INSR: variants seen among roughly 807,000 people sequenced by gnomAD.
INSR encodes the protein IR.
A neutral mutation model predicts 142.6 loss-of-function variants in INSR; 67 were observed. The ratio of observed to expected loss-of-function variants is 0.47; its 90% CI spans 0.39 to 0.58. The LOEUF is 0.58. Ranked by LOEUF, INSR falls within the 20% of genes least tolerant of loss-of-function variation. The pLI, the probability that INSR is intolerant of heterozygous loss-of-function variation, is 0.00. For missense variants in INSR, 1,248 were observed against 1,833.2 expected (o/e 0.68, Z 5.83); for synonymous variants, 756 against 743.1 (o/e 1.02, Z -0.28).
intron 1 of INSR, among the ~76,000 whole-genome samples, chr19:7,283,412 G>A (rs1157037261): frequency 1.3e-5 from 2 of 152,076 alleles, no homozygotes; most frequent in African/African-American, 2.4e-5. Flanking sequence ...GATTCTAAAC[G>A]GAAAATGACA....
chr19:7,285,595 C>T (rs1168694305), intron 1 of INSR, among the ~76,000 whole-genome samples: 1 of 152,014 alleles, frequency 6.6e-6, no homozygotes, highest in African/African-American at 2.4e-5. Context: ...AGGACCACAC[C>T]ACTGCACTCC....
intron 1 of INSR, among the ~76,000 whole-genome samples, chr19:7,282,075 C>T (rs114165150): frequency 1.4e-4 from 22 of 152,194 alleles, no homozygotes; most frequent in African/African-American, 2.4e-4. Context: ...TCTAAAACCC[C>T]GCGAGCCGGC....
rs1599881961 is a variant in INSR at position 7,132,256 on chromosome 19, C to T, written c.2744G>A (p.Gly915Glu). 1.2e-6 allele frequency: 2 copies of T among 1,614,216 alleles called. No homozygotes were observed. The highest frequency in any genetic ancestry group is 1.7e-6 in the Non-Finnish European group (2 of 1,180,038). The change falls in exon 14 of 22, where the codon GGG becomes GAG. Residue 915 changes from glycine to glutamate, a missense_variant. Physicochemically the swap from Gly to Glu is moderately conservative, Grantham distance 98. Around this residue, in one of 3 missense-constraint regions of INSR, gnomAD observed 1,069 missense variants for 1,654.0 expected, o/e 0.65. Transcript: ENST00000302850. ...FALERGCRLR[G>E]LSPGNYSVRI... ...CACGCTGTAGTTCCCCGGTGACAGC[C>T]CACGCAGCCTGCAGCCCCGTTCCAG... is the stretch of plus-strand genomic sequence containing the variant.
intron 2 of INSR, among the ~76,000 whole-genome samples, chr19:7,253,239 TA>T (rs1300664420): frequency 2.0e-5 from 3 of 151,908 alleles, no homozygotes; most frequent in African/African-American, 4.8e-5. Context: ...TTTGTTTATT[TA>T]TTTATTTAAT....
intron 2 of INSR, among the ~76,000 whole-genome samples, chr19:7,236,960 G>C (rs1340987979): frequency 6.6e-6 from 1 of 150,786 alleles, no homozygotes; most frequent in Non-Finnish European, 1.5e-5. Flanking sequence ...CCAGGAGACA[G>C]AGCTTGCAGT....
intron 2 of INSR, among the ~76,000 whole-genome samples, chr19:7,261,107 C>A (rs928273657): frequency 5.3e-5 from 8 of 152,052 alleles, no homozygotes; most frequent in African/African-American, 1.7e-4. Context: ...AGGCTGGTCT[C>A]GAACTCCTGA....
intron 13 of INSR, among the ~76,000 whole-genome samples, chr19:7,138,844 A>T (rs1973000702): frequency 6.6e-6 from 1 of 152,128 alleles, no homozygotes; most frequent in South Asian, 2.1e-4. Context: ...TTTCCTTAGG[A>T]CCTACAGGAT....
intron 9 of INSR, among the ~76,000 whole-genome samples, chr19:7,153,367 C>CATA: frequency 0.039 from 45 of 1,152 alleles, 2 homozygotes; most frequent in Middle Eastern, 0.12. Context: ...ACCACACACC[C>CATA]CACACACACC....
chr19:7,132,058 G>A, intron 14 of INSR, 100 bp downstream of exon 14: 1 of 1,457,362 alleles, frequency 6.9e-7, no homozygotes. Flanking sequence ...TCAAGGCCAG[G>A]GCCAGCACCT....
At chr19:7,282,789 C>T (rs571494674) in intron 1 of INSR, among the ~76,000 whole-genome samples, 10 of 151,322 alleles carry the variant, frequency 6.6e-5, no homozygotes, top group African/African-American at 2.2e-4. Context: ...ATCGAGACCA[C>T]GGTGAAACCC....
intron 2 of INSR, among the ~76,000 whole-genome samples, chr19:7,186,842 T>C (rs1169302684): frequency 1.3e-5 from 2 of 151,788 alleles, no homozygotes; most frequent in African/African-American, 2.4e-5. Context: ...GTAGCTGGGA[T>C]TACAGACGCC....
intron 2 of INSR, among the ~76,000 whole-genome samples, chr19:7,202,987 G>GTT (rs111825279): frequency 4.9e-4 from 71 of 143,850 alleles, no homozygotes; most frequent in Middle Eastern, 3.6e-3. Context: ...TTTGGGGTGG[G>GTT]GTTTTGTTGT....
chr19:7,180,387 G>C (rs952373935), intron 3 of INSR, among the ~76,000 whole-genome samples: 2 of 151,898 alleles, frequency 1.3e-5, no homozygotes, highest in African/African-American at 2.4e-5. Flanking sequence ...TTTTAGCCAG[G>C]TGTGGTGGTG....
chr19:7,240,280 A>C (rs1256255522), intron 2 of INSR, among the ~76,000 whole-genome samples: 1 of 152,228 alleles, frequency 6.6e-6, no homozygotes, highest in African/African-American at 2.4e-5. Flanking sequence ...TACAGCAGCG[A>C]AAGATTTAAA....
At position 7,115,699 on chromosome 19, in the gene INSR, G is replaced by T. The variant is rs556297174; in HGVS notation, c.*1357C>A. 3 of 152,354 alleles carry T rather than the reference G, an allele frequency of 2.0e-5. No individual in the cohort carries two copies. Among genetic ancestry groups the T allele is most frequent in the African/African-American group, 7.2e-5 (3 of 41,548 alleles). The allele number at this position is 152,354 out of a possible 1,614,324, so 9.4% of individuals were successfully genotyped here. On this transcript the variant is annotated 3_prime_UTR_variant, in exon 22 of 22. Coordinates refer to ENST00000302850, the MANE Select transcript of INSR (RefSeq NM_000208.4). ...AAGAGGTACACACAGAGAATCAGAG[G>T]ATGAACACAGGTGTTCTTGAAGGCA... is the stretch of plus-strand genomic sequence containing the variant.
chr19:7,162,689 G>A (rs188802458), intron 9 of INSR, among the ~76,000 whole-genome samples: 21 of 150,340 alleles, frequency 1.4e-4, no homozygotes, highest in South Asian at 2.1e-4. Flanking sequence ...GCGTGGTGGC[G>A]CGTGCCTGTA....
rs1968497615 is a variant in INSR at position 7,291,701 on chromosome 19, CAATT to C, written c.100+2087_100+2090del. 2.6e-5 allele frequency among the ~76,000 whole-genome samples: 4 copies of C among 152,318 alleles called. No homozygotes were observed. In the Middle Eastern group the frequency reaches 0.01, roughly 389 times the overall value. On this transcript the variant is annotated intron_variant, in intron 1 of 21. Transcript: ENST00000302850. ...CCCTGAAAGCCCAGGCACAGATCCA[CAATT>C]AATTACCAAAGCTACAAGGAACAGA...
intron 13 of INSR, 70 bp from the exon 14 acceptor site, chr19:7,132,387 G>A: frequency 1.9e-6 from 3 of 1,544,182 alleles, no homozygotes; most frequent in East Asian, 2.3e-5. Flanking sequence ...ACCCCTCGCA[G>A]GGAGCTCACA....
intron 2 of INSR, among the ~76,000 whole-genome samples, chr19:7,195,927 CTTTCTTT>C (rs1974733304): frequency 1.0e-5 from 1 of 99,826 alleles, no homozygotes. Flanking sequence ...TCTTTCTTTT[CTTTCTTT>C]TTTTTTTTTT....
Sources: gnomAD v4.1 joint callset for allele counts (sites outside exome capture counted in the v4.1 genomes callset) on GRCh38, gnomAD v4.1.1 for gene constraint, gnomAD v4.1.1 regional missense constraint, MANE v1.5 for transcripts, NCBI Gene and HGNC (gene_info 2026-07-23, HGNC 2026-07-21) for gene names.